ATRNL1: variants seen among roughly 807,000 people sequenced by gnomAD.
ATRNL1 encodes the protein attractin like 1.
Under a neutral mutation model 182.7 loss-of-function variants are expected in ATRNL1, and 95 were observed. The observed-to-expected ratio is 0.52, with a 90% CI of 0.44 to 0.62. The LOEUF is 0.62. Among genes scored for constraint, ATRNL1 ranks in the 20% least tolerant of loss-of-function variants. The pLI, the probability that ATRNL1 is intolerant of heterozygous loss-of-function variation, is 0.00. For missense variants in ATRNL1, 1,471 were observed against 1,679.5 expected, an observed-to-expected ratio of 0.88 and a Z score of 2.17; for synonymous variants, 576 against 568.3, an observed-to-expected ratio of 1.01 and a Z score of -0.19.
intron 27 of ATRNL1, 50 bp from the exon 28 acceptor site, chr10:115,847,827 T>C (rs782028143): frequency 2.1e-6 from 2 of 947,558 alleles, no homozygotes; most frequent in Non-Finnish European, 3.5e-6. Context: ...AAAATTAAAA[T>C]AGCAATGCTA....
chr10:115,706,527 C>A (rs1555053107), intron 26 of ATRNL1, among the ~76,000 whole-genome samples: 1 of 151,846 alleles, frequency 6.6e-6, no homozygotes, highest in Non-Finnish European at 1.5e-5. Flanking sequence ...GACCAAATCA[C>A]ATAGTGCACT....
At chr10:115,541,420 A>G (rs1852353538) in intron 25 of ATRNL1, among the ~76,000 whole-genome samples, 1 of 152,242 alleles carries the variant, frequency 6.6e-6, no homozygotes, top group Non-Finnish European at 1.5e-5. Flanking sequence ...AATGTTGGAG[A>G]GGATGCAGAA....
chr10:115,878,431 G>T (rs1013578704), intron 28 of ATRNL1, among the ~76,000 whole-genome samples: 3 of 152,158 alleles, frequency 2.0e-5, no homozygotes, highest in Non-Finnish European at 4.4e-5. Flanking sequence ...GCCTCAATAT[G>T]CTTACCTGTC....
In ATRNL1 at chr10:115,093,950, G is replaced by A; in HGVS notation, c.200G>A (p.Gly67Asp). The A allele has an allele frequency of 6.3e-7, 1 of 1,590,460 alleles. No homozygotes were observed. Among genetic ancestry groups the A allele is most frequent in the South Asian group, 1.1e-5 (1 of 88,002 alleles). The change falls in exon 1 of 29, where the codon GGC (glycine) becomes GAC (aspartate). Residue 67 changes from glycine to aspartate, a missense_variant. Gly to Asp is a moderately conservative substitution (Grantham distance 94). Transcript: ENST00000355044. The surrounding 1 kb of genome is among the most constrained non-coding windows in gnomAD (Gnocchi z 6.1). ...VSQSKPCERTGSCFSGRCVNS... is the reference protein window; with the variant it reads ...VSQSKPCERTDSCFSGRCVNS... ...CAGTCCAAGCCGTGCGAGAGGACCG[G>A]CTCCTGCTTCTCGGGCCGCTGTGTC...
intron 1 of ATRNL1, among the ~76,000 whole-genome samples, chr10:115,114,731 T>G (rs1554869340): frequency 6.6e-6 from 1 of 151,738 alleles, no homozygotes; most frequent in African/African-American, 2.4e-5. Flanking sequence ...ATAAAAAAGA[T>G]GAAAGATAAC....
chr10:115,843,750 G>A (rs899399135), intron 27 of ATRNL1, among the ~76,000 whole-genome samples: 20 of 152,046 alleles, frequency 1.3e-4, no homozygotes, highest in Admixed American at 1.1e-3. Context: ...GTCAGCACAC[G>A]TTTTAAGAGT....
At chr10:115,609,349 G>A (rs1188659049) in intron 26 of ATRNL1, among the ~76,000 whole-genome samples, 3 of 152,154 alleles carry the variant, frequency 2.0e-5, no homozygotes, top group Non-Finnish European at 2.9e-5. Context: ...TTCAAGGAAA[G>A]ACACTCTGCT....
intron 26 of ATRNL1, among the ~76,000 whole-genome samples, chr10:115,574,830 A>G (rs1264926808): frequency 1.3e-5 from 2 of 152,202 alleles, no homozygotes; most frequent in Non-Finnish European, 2.9e-5. Context: ...AATTTTAAAC[A>G]TAGCCTATTT....
At chr10:115,930,760 A>G (rs567524460) in intron 28 of ATRNL1, among the ~76,000 whole-genome samples, 1 of 152,162 alleles carries the variant, frequency 6.6e-6, no homozygotes, top group Non-Finnish European at 1.5e-5. Context: ...TTATGAGTTA[A>G]TGTGTTTTTG....
intron 28 of ATRNL1, among the ~76,000 whole-genome samples, chr10:115,898,229 T>A (rs1222711758): frequency 5.3e-5 from 8 of 152,184 alleles, no homozygotes; most frequent in African/African-American, 1.9e-4. Flanking sequence ...CCGGTCCCCT[T>A]TTATTTCTTT....
chr10:115,774,425 CAAAAAAAAAAAAA>C (rs56048429), intron 27 of ATRNL1, among the ~76,000 whole-genome samples: 15 of 69,370 alleles, frequency 2.2e-4, no homozygotes, highest in Middle Eastern at 8.5e-3. Flanking sequence ...GACTCCATCT[CAAAAAAAAAAAAA>C]AAAAAAAAAA....
At chr10:115,201,619 T>G (rs1177092718) in intron 8 of ATRNL1, among the ~76,000 whole-genome samples, 3 of 152,142 alleles carry the variant, frequency 2.0e-5, no homozygotes, top group Non-Finnish European at 2.9e-5. Flanking sequence ...TACCATGCTG[T>G]TTTGGTTACT....
intron 24 of ATRNL1, among the ~76,000 whole-genome samples, chr10:115,490,525 G>T (rs1468420929): frequency 6.6e-6 from 1 of 152,014 alleles, no homozygotes; most frequent in Non-Finnish European, 1.5e-5. Context: ...GCTATTGATA[G>T]ATGTGTATGC....
rs1207478978 is a variant in ATRNL1 at position 115,194,101 on chromosome 10, T to G, written c.1349-21596T>G. ...TTAATTGTTTTGAATTTTTGAGACA[T>G]GTTTTGTGTCCTAATGAATTGTCTA... On this transcript the variant is annotated intron_variant, in intron 8 of 28. Coordinates refer to ENST00000355044, the MANE Select transcript of ATRNL1 (RefSeq NM_207303.4). Among the ~76,000 whole-genome samples the G allele has an allele frequency of 2.6e-5, 4 of 152,172 alleles. No homozygotes were observed. The East Asian group carries it at 7.7e-4, about 29-fold the overall frequency.
At chr10:115,731,303 A>G (rs1312790424) in intron 27 of ATRNL1, among the ~76,000 whole-genome samples, 3 of 152,170 alleles carry the variant, frequency 2.0e-5, no homozygotes, top group African/African-American at 7.2e-5. Context: ...ACTGTGGCCC[A>G]TATTATCTCC....
intron 27 of ATRNL1, among the ~76,000 whole-genome samples, chr10:115,810,213 A>G (rs1270068081): frequency 6.6e-6 from 1 of 151,966 alleles, no homozygotes; most frequent in Non-Finnish European, 1.5e-5. Context: ...ATTTTTACTG[A>G]GATGTTGATA....
chr10:115,818,472 A>G (rs947407900), intron 27 of ATRNL1, among the ~76,000 whole-genome samples: 5 of 152,094 alleles, frequency 3.3e-5, no homozygotes, highest in African/African-American at 1.2e-4. Flanking sequence ...TAGTTTTATT[A>G]TAAGGATTTT....
intron 10 of ATRNL1, among the ~76,000 whole-genome samples, chr10:115,243,977 T>A (rs1850525457): frequency 6.6e-6 from 1 of 152,148 alleles, no homozygotes; most frequent in South Asian, 2.1e-4. Flanking sequence ...ACTATTTTTC[T>A]GGGAAAAGGT....
rs376753728 is a variant in ATRNL1 at position 115,682,985 on chromosome 10, G to A, written c.3796-44263G>A. Among the ~76,000 whole-genome samples, 270 of 152,144 alleles carry A rather than the reference G, an allele frequency of 1.8e-3. 1 individual carries two copies. The highest frequency in any genetic ancestry group is 6.0e-3 in the African/African-American group (249 of 41,516). On this transcript the variant is annotated intron_variant, in intron 26 of 28. Coordinates refer to ENST00000355044, the MANE Select transcript of ATRNL1 (RefSeq NM_207303.4). The stretch of plus-strand genomic sequence containing the variant: ...AAGTTACGTATTCTCTCAGAGAGTC[G>A]AGTTCATCTTCTGTAAAAGGGGGAT...
Sources: gnomAD v4.1 joint callset for allele counts (sites outside exome capture counted in the v4.1 genomes callset) on GRCh38, gnomAD v4.1.1 for gene constraint, Gnocchi (gnomAD v3.1) non-coding constraint, MANE v1.5 for transcripts, NCBI Gene and HGNC (gene_info 2026-07-23, HGNC 2026-07-21) for gene names.